The following IQCH variants were observed in gnomAD, a reference collection of about 807,000 sequenced individuals.
The protein encoded by IQCH is IQ domain-containing protein H.
IQCH carries 98 observed loss-of-function variants against 117.0 expected under a neutral mutation model. That is an observed-to-expected ratio of 0.84 (90% CI 0.71 to 0.99). The LOEUF (loss-of-function observed/expected upper bound fraction) is 0.99. Among genes scored for constraint, IQCH ranks in the 50% least tolerant of loss-of-function variants. The probability of loss-of-function intolerance (pLI) is 0.00; values close to 1 mark genes in which losing one functional copy is unlikely to be tolerated. For synonymous variants in IQCH, 412 were observed against 448.2 expected (o/e 0.92, Z 1.02); for missense variants, 1,102 against 1,243.8 (o/e 0.89, Z 1.72).
chr15:67,399,148 G>A (rs370281356), intron 13 of IQCH, among the ~76,000 whole-genome samples: 105 of 152,294 alleles, frequency 6.9e-4, no homozygotes, highest in African/African-American at 1.3e-3. Context: ...AAGAGGGAAT[G>A]AGCATAGGTT....
Position 67,430,215 on chromosome 15 carries a change from TA to T in IQCH, c.2505+8641del, listed in dbSNP as rs1157295403. 1.3e-5 allele frequency: 2 copies of T among 151,960 alleles called. No homozygotes were observed. Among genetic ancestry groups the T allele is most frequent in the Non-Finnish European group, 2.9e-5 (2 of 68,016 alleles). The allele number at this position is 151,960 out of a possible 1,614,324, so 9.4% of individuals were successfully genotyped here. ...ATATTATGTAAGGGGATCCAAGCAG[TA>T]AACAAATAGCAGCAAAAGCTATTTC... On this transcript the variant is annotated intron_variant, in intron 16 of 20. Transcript: ENST00000335894. The surrounding 1 kb of genome is among the most constrained non-coding windows in gnomAD (Gnocchi z 5.1).
chr15:67,420,104 T>C (rs1274536923), intron 15 of IQCH, among the ~76,000 whole-genome samples: 1 of 152,218 alleles, frequency 6.6e-6, no homozygotes, highest in African/African-American at 2.4e-5. Flanking sequence ...CGAGTAGGCC[T>C]CATTTGAAGA....
In IQCH at chr15:67,476,595, C is replaced by T. The variant is rs1188198278; in HGVS notation, c.2799+777C>T. Reference sequence around the variant, plus strand: ...CATTTTCTCTACTTTTGGTCTATTTCCAATGATACCGGGGGCCCCTGCATA... The same window carrying T: ...CATTTTCTCTACTTTTGGTCTATTTTCAATGATACCGGGGGCCCCTGCATA... On this transcript the variant is annotated intron_variant, in intron 18 of 20. Transcript: ENST00000335894. The surrounding 1 kb of genome is among the most constrained non-coding windows in gnomAD (Gnocchi z 4.1). Among the ~76,000 whole-genome samples, 1 of 152,178 alleles carries T rather than the reference C, an allele frequency of 6.6e-6. No individual in the cohort carries two copies. The highest frequency in any genetic ancestry group is 1.5e-5 in the Non-Finnish European group (1 of 68,018).
chr15:67,377,074 G>A (rs4580100), intron 10 of IQCH, among the ~76,000 whole-genome samples: 68,302 of 145,930 alleles, frequency 0.47, 16,162 homozygotes, highest in Middle Eastern at 0.53. Flanking sequence ...CCGAGATCAC[G>A]CCACTGCACT....
rs1362893969 is a variant in IQCH, at chr15:67,481,726, A to G, written c.2799+5908A>G. ...GAAAGCAAAGAAATATAGAAAATTT[A>G]AGAAGTATCTAGAAAAGAACTCCAT... On this transcript the variant is annotated intron_variant, in intron 18 of 20. Coordinates refer to ENST00000335894, the MANE Select transcript of IQCH (RefSeq NM_001031715.3). This position sits in a 1 kb window ranked among gnomAD's most constrained non-coding sequence, Gnocchi z 4.1. Among the ~76,000 whole-genome samples, 1 of 152,258 alleles carries G rather than the reference A, an allele frequency of 6.6e-6. No homozygotes were observed. Among genetic ancestry groups the G allele is most frequent in the Non-Finnish European group, 1.5e-5 (1 of 68,038 alleles).
chr15:67,440,450 A>T (rs2082242255), intron 16 of IQCH, among the ~76,000 whole-genome samples: 1 of 152,236 alleles, frequency 6.6e-6, no homozygotes, highest in Non-Finnish European at 1.5e-5. Flanking sequence ...CTTGATGAAC[A>T]TTGATGCTAA....
At chr15:67,267,217 T>C (rs967263529) in intron 3 of IQCH, among the ~76,000 whole-genome samples, 2 of 152,216 alleles carry the variant, frequency 1.3e-5, no homozygotes, top group Non-Finnish European at 2.9e-5. Context: ...GAAGTTCTTA[T>C]ACTTTCCTCA....
chr15:67,277,530 CTTTTT>C (rs574311972), intron 3 of IQCH, among the ~76,000 whole-genome samples: 144 of 128,826 alleles, frequency 1.1e-3, no homozygotes, highest in Middle Eastern at 4.1e-3. Context: ...CCTCCAGTAT[CTTTTT>C]TTTTTTTTTT....
At position 67,395,593 on chromosome 15, in the gene IQCH, T is replaced by C; in HGVS notation, c.1905+30T>C. On this transcript the variant is annotated intron_variant, in intron 13 of 20. Coordinates refer to ENST00000335894, the MANE Select transcript of IQCH (RefSeq NM_001031715.3). The surrounding 1 kb of genome is among the most constrained non-coding windows in gnomAD (Gnocchi z 4.0). ...GTGGGGTGGACAAGTGAAGCTCTGT[T>C]CAAATATTTGAAACATCCTCTTGAT... 6.3e-7 allele frequency: 1 copy of C among 1,599,434 alleles called. No homozygotes were observed. Among genetic ancestry groups the C allele is most frequent in the Non-Finnish European group, 8.5e-7 (1 of 1,170,142 alleles).
At chr15:67,418,513 C>CCCCACACACA (rs1555489464) in intron 15 of IQCH, among the ~76,000 whole-genome samples, 2 of 114,092 alleles carry the variant, frequency 1.8e-5, no homozygotes, top group Non-Finnish European at 1.7e-5. Context: ...CAAGTGGCTA[C>CCCCACACACA]CACACACACA....
chr15:67,486,195 T>G (rs900437019), intron 18 of IQCH, among the ~76,000 whole-genome samples: 2 of 151,852 alleles, frequency 1.3e-5, no homozygotes, highest in African/African-American at 4.8e-5. Flanking sequence ...CATGCCTGGC[T>G]AATTTTTTTT....
At chr15:67,379,272 CT>C (rs1175235160) in intron 10 of IQCH, among the ~76,000 whole-genome samples, 2 of 152,120 alleles carry the variant, frequency 1.3e-5, no homozygotes, top group Non-Finnish European at 2.9e-5. Context: ...GTTTTATAGC[CT>C]TTTCAGATAG....
chr15:67,271,611 G>C (rs1335013640), intron 3 of IQCH, among the ~76,000 whole-genome samples: 2 of 152,058 alleles, frequency 1.3e-5, no homozygotes, highest in Non-Finnish European at 2.9e-5. Flanking sequence ...TTGGTTTGTT[G>C]AGGCTTTCTA....
rs113263089 is a variant in IQCH at position 67,303,466 on chromosome 15, A to G, written c.387+23954A>G. Reference sequence around the variant, plus strand: ...ACAATTTTTAAAATCACAAAAGACTAGAAATTATTAGTAATACCATATTCC... The same window carrying G: ...ACAATTTTTAAAATCACAAAAGACTGGAAATTATTAGTAATACCATATTCC... On this transcript the variant is annotated intron_variant, in intron 4 of 20. Coordinates refer to ENST00000335894, the MANE Select transcript of IQCH (RefSeq NM_001031715.3). Among the ~76,000 whole-genome samples, 700 of 152,314 alleles carry G rather than the reference A, an allele frequency of 4.6e-3. 7 individuals are homozygous for G. Among genetic ancestry groups the G allele is most frequent in the African/African-American group, 0.016 (679 of 41,570 alleles).
At chr15:67,446,625 C>G (rs1242034997) in intron 16 of IQCH, among the ~76,000 whole-genome samples, 1 of 152,164 alleles carries the variant, frequency 6.6e-6, no homozygotes, top group African/African-American at 2.4e-5. Flanking sequence ...AACATTTACT[C>G]AGGTGGAACT....
chr15:67,466,390 T>C lies in IQCH; in HGVS notation c.2676+1093T>C, dbSNP rs2082934339. On this transcript the variant is annotated intron_variant, in intron 17 of 20. Coordinates refer to ENST00000335894, the MANE Select transcript of IQCH (RefSeq NM_001031715.3). This position sits in a 1 kb window ranked among gnomAD's most constrained non-coding sequence, Gnocchi z 4.4. ...CCTTTCCTTACAACAGTGGGCTTCA[T>C]ACTTTTTTGCAAATGAAGCTCTACT... is the stretch of plus-strand genomic sequence containing the variant. The C allele has an allele frequency of 6.6e-6, 1 of 152,250 alleles. No individual in the cohort carries two copies. The highest frequency in any genetic ancestry group is 2.4e-5 in the African/African-American group (1 of 41,464). 9.4% of individuals were successfully genotyped at this position (152,250 alleles called of 1,614,324 possible).
rs753734691 is a variant in IQCH, at chr15:67,377,481, C to G, written c.1372+4048C>G. 3.0e-4 allele frequency among the ~76,000 whole-genome samples: 46 copies of G among 152,102 alleles called. 1 individual carries two copies. Among genetic ancestry groups the G allele is most frequent in the Admixed American group, 1.3e-4 (2 of 15,262 alleles). On this transcript the variant is annotated intron_variant, in intron 10 of 20. Coordinates refer to ENST00000335894, the MANE Select transcript of IQCH (RefSeq NM_001031715.3). ...AGAAAGAACCTGAAGAATCCTAATT[C>G]CTCTAGAAAAACCAGATGTCTAAAT...
intron 9 of IQCH, among the ~76,000 whole-genome samples, chr15:67,373,118 T>G (rs1233133631): frequency 1.3e-5 from 2 of 152,210 alleles, no homozygotes; most frequent in Non-Finnish European, 2.9e-5. Flanking sequence ...ACAATTTCAT[T>G]TATGTTTGCT....
intron 5 of IQCH, among the ~76,000 whole-genome samples, chr15:67,339,693 A>G (rs980467627): frequency 3.3e-5 from 5 of 152,316 alleles, no homozygotes; most frequent in African/African-American, 1.2e-4. Flanking sequence ...AATTCTTACA[A>G]TCTTCTCCCC....
Sources: allele counts gnomAD v4.1 joint callset (sites outside exome capture counted in the v4.1 genomes callset), GRCh38; gene constraint gnomAD v4.1.1; non-coding constraint Gnocchi (gnomAD v3.1); transcripts MANE v1.5; gene names NCBI Gene and HGNC (gene_info 2026-07-23, HGNC 2026-07-21).